The following UBA2 variants were observed in gnomAD, a reference collection of about 807,000 sequenced individuals.
The protein encoded by UBA2 is ubiquitin like modifier activating enzyme 2, also known as SUMO-activating enzyme subunit 2.
In UBA2, 11 loss-of-function variants were observed where a neutral mutation model predicts 77.2. The ratio of observed to expected loss-of-function variants is 0.14; its 90% CI spans 0.09 to 0.24. The LOEUF is 0.24. Among genes scored for constraint, UBA2 ranks in the 10% least tolerant of loss-of-function variants. The pLI is 1.00. For missense variants in UBA2, 487 were observed against 781.7 expected, an observed-to-expected ratio of 0.62 and a Z score of 4.50; for synonymous variants, 278 against 276.7, an observed-to-expected ratio of 1.00 and a Z score of -0.05.
At chr19:34,464,567 AAAAAG>A (rs2075668391) in intron 15 of UBA2, among the ~76,000 whole-genome samples, 1 of 152,164 alleles carries the variant, frequency 6.6e-6, no homozygotes, top group Non-Finnish European at 1.5e-5. Flanking sequence ...TAAAAAAAAA[AAAAAG>A]AAAACCAGAA....
chr19:34,464,096 C>G lies in UBA2; in HGVS notation c.1569C>G (p.Leu523=). Residue 523 remains leucine, a synonymous_variant, in exon 15 of 17, where the codon CTC becomes CTG. Coordinates refer to ENST00000246548, the MANE Select transcript of UBA2 (RefSeq NM_005499.3). ...NGSRLQADDF[L]QDYTLLINIL... ...GCCGGCTTCAAGCAGATGACTTCCT[C>G]CAGGACTATACTTTATTGATCAACA... 1 of 1,613,418 alleles carries G rather than the reference C, an allele frequency of 6.2e-7. No individual in the cohort carries two copies. The highest frequency in any genetic ancestry group is 1.1e-5 in the South Asian group (1 of 91,056).
intron 8 of UBA2, among the ~76,000 whole-genome samples, chr19:34,449,223 C>T (rs1302248354): frequency 3.3e-5 from 5 of 152,116 alleles, no homozygotes; most frequent in Admixed American, 1.3e-4. Context: ...GCACGCGCCA[C>T]GACGCCCAGC....
chr19:34,458,225 C>G (rs1219647975), intron 12 of UBA2, among the ~76,000 whole-genome samples: 1 of 152,160 alleles, frequency 6.6e-6, no homozygotes, highest in Non-Finnish European at 1.5e-5. Context: ...GATGTCTTTT[C>G]AGCAAGCCTA....
In UBA2 at chr19:34,430,656, A is replaced by T; in HGVS notation, c.219A>T (p.Ala73=). 1 of 1,611,714 alleles carries T rather than the reference A, an allele frequency of 6.2e-7. No individual in the cohort carries two copies. Among genetic ancestry groups the T allele is most frequent in the Non-Finnish European group, 8.5e-7 (1 of 1,177,986 alleles). ...AGAAACATGTTGGAAGATCAAAGGC[A>T]CAGGTAACTATATTTCTCATACCAT... ...FQKKHVGRSK[A]QVAKESVLQF... is the part of the protein sequence containing the mutation. Residue 73 remains alanine, a synonymous_variant, in exon 2 of 17, where the codon GCA becomes GCT. Coordinates refer to ENST00000246548, the MANE Select transcript of UBA2 (RefSeq NM_005499.3).
At chr19:34,445,189 T>G (rs150982980) in intron 8 of UBA2, 68 bp downstream of exon 8, 6 of 1,486,040 alleles carry the variant, frequency 4.0e-6, no homozygotes, top group Admixed American at 2.2e-5. Flanking sequence ...GTTCTAGTTC[T>G]GCTTGTTTTA....
At chr19:34,433,697 C>T (rs1457211506) in intron 4 of UBA2, among the ~76,000 whole-genome samples, 2 of 152,150 alleles carry the variant, frequency 1.3e-5, no homozygotes, top group Non-Finnish European at 2.9e-5. Context: ...CAGTGGCTCA[C>T]GCCTGTAATC....
At chr19:34,454,143 C>T (rs1252020649) in intron 10 of UBA2, 117 bp from the exon 11 acceptor site, 6 of 947,368 alleles carry the variant, frequency 6.3e-6, no homozygotes, top group African/African-American at 3.3e-5. Context: ...TCAGCAACCT[C>T]TTGTTCTAGT....
At chr19:34,437,546 G>A (rs1195618868) in intron 5 of UBA2, among the ~76,000 whole-genome samples, 1 of 151,918 alleles carries the variant, frequency 6.6e-6, no homozygotes, top group East Asian at 2.0e-4. Flanking sequence ...GGAGGCAGAG[G>A]TTGTGGTGAG....
At chr19:34,432,765 G>A (rs2075269725) in intron 3 of UBA2, among the ~76,000 whole-genome samples, 1 of 152,180 alleles carries the variant, frequency 6.6e-6, no homozygotes, top group Non-Finnish European at 1.5e-5. Context: ...ATGTTGGCCA[G>A]GCTGGTCTCA....
At position 34,460,558 on chromosome 19, in the gene UBA2, A is replaced by T; in HGVS notation, c.1490A>T (p.Glu497Val). 1 of 1,606,834 alleles carries T rather than the reference A, an allele frequency of 6.2e-7. No homozygotes were observed. Among genetic ancestry groups the T allele is most frequent in the South Asian group, 1.1e-5 (1 of 89,686 alleles). Residue 497 changes from glutamate to valine, a missense_variant, in exon 14 of 17, where the codon GAG becomes GTG. Around this residue, in one of 9 missense-constraint regions of UBA2, gnomAD observed 300 missense variants for 454.3 expected, o/e 0.66. Coordinates refer to ENST00000246548, the MANE Select transcript of UBA2 (RefSeq NM_005499.3). The part of the protein sequence containing the change: ...GTILISSEEG[E>V]TEANNHKKLS... ...ATCCTAATATCTTCCGAAGAGGGAGAGACGGAAGGTATCATACATTGTATT... is the reference window on the plus strand; with the variant it reads ...ATCCTAATATCTTCCGAAGAGGGAGTGACGGAAGGTATCATACATTGTATT...
chr19:34,466,543 T>G (rs2075690110), intron 15 of UBA2, among the ~76,000 whole-genome samples: 1 of 152,176 alleles, frequency 6.6e-6, no homozygotes, highest in Admixed American at 6.5e-5. Context: ...GAGTTTTTGA[T>G]TATCACAGAA....
chr19:34,467,156 T>C, intron 16 of UBA2, 142 bp downstream of exon 16: 1 of 1,021,436 alleles, frequency 9.8e-7, no homozygotes, highest in Non-Finnish European at 1.4e-6. Flanking sequence ...GTAATGGAGC[T>C]TTGAATTTAT....
intron 8 of UBA2, among the ~76,000 whole-genome samples, chr19:34,449,111 C>G (rs961349877): frequency 3.5e-5 from 5 of 141,042 alleles, no homozygotes; most frequent in Non-Finnish European, 7.5e-5. Flanking sequence ...CACTCTGTTG[C>G]CAGGCTGGAG....
intron 8 of UBA2, among the ~76,000 whole-genome samples, chr19:34,446,858 G>A (rs1016407009): frequency 3.3e-5 from 5 of 151,880 alleles, no homozygotes; most frequent in Non-Finnish European, 5.9e-5. Flanking sequence ...TGCCTGCCTC[G>A]GCCTCCCAAA....
chr19:34,430,781 T>C lies in UBA2; in HGVS notation c.222+122T>C, dbSNP rs1599884287. ...TGAAGCTCTCATTTCAGCTGAGAGATTGTGAAGGATAAAGATATATCAAGT... is the reference window on the plus strand; with the variant it reads ...TGAAGCTCTCATTTCAGCTGAGAGACTGTGAAGGATAAAGATATATCAAGT... On this transcript the variant is annotated intron_variant, in intron 2 of 16. Transcript: ENST00000246548. 8.5e-6 allele frequency: 6 copies of C among 704,026 alleles called. No homozygotes were observed. In the East Asian group the frequency reaches 1.0e-4, roughly 12 times the overall value. The allele number at this position is 704,026 out of a possible 1,614,324, so 43.6% of individuals were successfully genotyped here.
chr19:34,454,619 A>G, intron 12 of UBA2, 63 bp downstream of exon 12: 1 of 777,378 alleles, frequency 1.3e-6, no homozygotes, highest in Non-Finnish European at 1.9e-6. Context: ...TTAAAAGTAC[A>G]TTAAACAGAT....
At chr19:34,429,727 C>T (rs2075230207) in intron 1 of UBA2, among the ~76,000 whole-genome samples, 1 of 151,700 alleles carries the variant, frequency 6.6e-6, no homozygotes, top group African/African-American at 2.4e-5. Context: ...TCCCAGCTAC[C>T]CGGGAGGCTG....
intron 15 of UBA2, among the ~76,000 whole-genome samples, chr19:34,464,387 G>A (rs540070762): frequency 9.9e-5 from 15 of 152,098 alleles, no homozygotes; most frequent in African/African-American, 3.4e-4. Context: ...GTGAAACCCC[G>A]TCTCTGCTAA....
intron 9 of UBA2, 143 bp downstream of exon 9, chr19:34,450,507 G>A: frequency 5.7e-6 from 3 of 528,310 alleles, no homozygotes; most frequent in Non-Finnish European, 9.7e-6. Context: ...AAAAGTCACT[G>A]AAGTCCCACA....
Sources: gnomAD v4.1 joint callset for allele counts (sites outside exome capture counted in the v4.1 genomes callset) on GRCh38, gnomAD v4.1.1 for gene constraint, gnomAD v4.1.1 regional missense constraint, MANE v1.5 for transcripts, NCBI Gene and HGNC (gene_info 2026-07-23, HGNC 2026-07-21) for gene names.